Variants in MRPL35 observed in about 807,000 individuals in gnomAD.
The protein encoded by MRPL35 is large ribosomal subunit protein bL35m.
A neutral mutation model predicts 21.6 loss-of-function variants in MRPL35; 18 were observed. The observed-to-expected ratio is 0.83, with a 90% CI of 0.58 to 1.24. The LOEUF (loss-of-function observed/expected upper bound fraction) is 1.24, where lower values mean the gene tolerates loss of function less well. Among genes scored for constraint, MRPL35 ranks in the 50% most tolerant of loss-of-function variants. The pLI is 0.00. For synonymous variants in MRPL35, 87 were observed against 86.9 expected (o/e 1.00, Z -0.01); for missense variants, 223 against 223.2 (o/e 1.00, Z 0.01).
chr2:86,211,174 C>T lies in MRPL35; in HGVS notation c.*506C>T. 2 of 983,912 alleles carry T rather than the reference C, an allele frequency of 2.0e-6. No individual in the cohort carries two copies. The highest frequency in any genetic ancestry group is 2.4e-6 in the Non-Finnish European group (2 of 828,490). The allele number at this position is 983,912 out of a possible 1,614,324, so 60.9% of individuals were successfully genotyped here. A position where few individuals can be genotyped will look rare whatever the true frequency, so the allele number is the denominator to read the frequency against. On this transcript the variant is annotated 3_prime_UTR_variant, in exon 4 of 4. Transcript: ENST00000337109. ...CATGCATGTGACTTGCTTCTTTTTGCATTGTTAACTCCATTCTCTCTATTC... is the reference window on the plus strand; with the variant it reads ...CATGCATGTGACTTGCTTCTTTTTGTATTGTTAACTCCATTCTCTCTATTC...
chr2:86,206,465 T>TG (rs1673794763), intron 2 of MRPL35, among the ~76,000 whole-genome samples, 170 bp downstream of exon 2: 2 of 152,198 alleles, frequency 1.3e-5, no homozygotes, highest in Admixed American at 1.3e-4. Context: ...CCTAAGTAGC[T>TG]GGAAAGTTCT....
At chr2:86,205,964 G>T (rs968921565) in intron 1 of MRPL35, 142 bp from the exon 2 acceptor site, 14 of 736,016 alleles carry the variant, frequency 1.9e-5, no homozygotes, top group African/African-American at 1.6e-4. Context: ...CCTTAGTAAG[G>T]TGGTAAAAGC....
chr2:86,209,125 A>G (rs1056814155), intron 3 of MRPL35, among the ~76,000 whole-genome samples: 2 of 152,246 alleles, frequency 1.3e-5, no homozygotes, highest in Non-Finnish European at 2.9e-5. Flanking sequence ...AAATTATTAC[A>G]CAAATGTGGA....
rs1260332664 is a variant in MRPL35 at position 86,210,518 on chromosome 2, A to G, written c.417A>G (p.Ala139=). The part of the protein sequence containing the change: ...YKKKLWKKTP[A]RKKRLREFVF... ...AAAAATTATGGAAAAAGACACCTGC[A>G]AGGAAGAAGCGATTGAGGGAATTTG... The change falls in exon 4 of 4, where the codon GCA becomes GCG. Residue 139 remains alanine, a synonymous_variant. Transcript: ENST00000337109. 16 of 1,611,320 alleles carry G rather than the reference A, an allele frequency of 9.9e-6. No homozygotes were observed. The highest frequency in any genetic ancestry group is 1.3e-5 in the African/African-American group (1 of 74,668).
intron 1 of MRPL35, among the ~76,000 whole-genome samples, chr2:86,204,803 A>G (rs1055957614): frequency 6.6e-6 from 1 of 152,210 alleles, no homozygotes; most frequent in Non-Finnish European, 1.5e-5. Flanking sequence ...TGACCCTGGA[A>G]CAATACAGCA....
chr2:86,205,989 T>C, intron 1 of MRPL35, 117 bp from the exon 2 acceptor site: 1 of 877,500 alleles, frequency 1.1e-6, no homozygotes, highest in South Asian at 1.8e-5. Flanking sequence ...CAGATGAGTC[T>C]GATGCTCAGG....
chr2:86,208,947 T>G (rs889100304), intron 3 of MRPL35, among the ~76,000 whole-genome samples: 1 of 152,234 alleles, frequency 6.6e-6, no homozygotes, highest in Admixed American at 6.5e-5. Context: ...GTTCATTCCC[T>G]CCTTCCATTT....
intron 1 of MRPL35, among the ~76,000 whole-genome samples, chr2:86,202,803 T>C (rs1419784778): frequency 1.3e-5 from 2 of 152,122 alleles, no homozygotes; most frequent in Admixed American, 1.3e-4. Flanking sequence ...GCAGTTCTCC[T>C]ACCTCAGCCT....
intron 2 of MRPL35, 45 bp from the exon 3 acceptor site, chr2:86,207,138 T>C: frequency 6.6e-7 from 1 of 1,522,650 alleles, no homozygotes; most frequent in Non-Finnish European, 8.8e-7. Context: ...TTTAATCCTT[T>C]AATCAGTCTG....
In MRPL35 at chr2:86,212,579, A is replaced by G; in HGVS notation, c.*1911A>G. The G allele has an allele frequency of 6.7e-7, 1 of 1,499,712 alleles. No homozygotes were observed. The allele number at this position is 1,499,712 out of a possible 1,614,324, so 92.9% of individuals were successfully genotyped here. On this transcript the variant is annotated 3_prime_UTR_variant, in exon 4 of 4. Transcript: ENST00000337109. ...ACAGCCTCCATGATGTCTTTATTGC[A>G]AATATGGATGACAAGGGTCTCTGTT...
Position 86,212,157 on chromosome 2 carries a change from T to C in MRPL35, c.*1489T>C. The C allele has an allele frequency of 2.4e-6, 3 of 1,273,364 alleles. No individual in the cohort carries two copies. The highest frequency in any genetic ancestry group is 2.0e-6 in the Non-Finnish European group (2 of 1,008,372). 78.9% of individuals were successfully genotyped at this position (1,273,364 alleles called of 1,614,324 possible). On this transcript the variant is annotated 3_prime_UTR_variant, in exon 4 of 4. Transcript: ENST00000337109. ...AATGTGGTAGTTGGTAATAATAAGA[T>C]GAAATTCCTCTGTTGTTAGTAAAAT...
Position 86,210,673 on chromosome 2 carries a change from G to A in MRPL35, c.*5G>A. 1 of 1,596,634 alleles carries A rather than the reference G, an allele frequency of 6.3e-7. No individual in the cohort carries two copies. Among genetic ancestry groups the A allele is most frequent in the Non-Finnish European group, 8.5e-7 (1 of 1,171,974 alleles). On this transcript the variant is annotated 3_prime_UTR_variant, in exon 4 of 4. Coordinates refer to ENST00000337109, the MANE Select transcript of MRPL35 (RefSeq NM_016622.4). ...CGAACAAACCTGAAAGTATAGATCA[G>A]AAGTTTCACTTGTTTCTCAGTTATT...
At chr2:86,203,365 G>A (rs1673728711) in intron 1 of MRPL35, among the ~76,000 whole-genome samples, 1 of 152,062 alleles carries the variant, frequency 6.6e-6, no homozygotes, top group Non-Finnish European at 1.5e-5. Context: ...GATTACAGGC[G>A]TGAGCCACCG....
At chr2:86,200,391 A>C (rs553034175) in intron 1 of MRPL35, among the ~76,000 whole-genome samples, 3 of 152,344 alleles carry the variant, frequency 2.0e-5, no homozygotes, top group African/African-American at 4.8e-5. Flanking sequence ...TTTAACACTC[A>C]GGTCAAAACA....
intron 1 of MRPL35, among the ~76,000 whole-genome samples, chr2:86,205,610 C>A (rs1434752847): frequency 1.3e-5 from 2 of 152,220 alleles, no homozygotes; most frequent in African/African-American, 4.8e-5. Context: ...TTCGTCCTAC[C>A]TGAAATGTGC....
chr2:86,212,423 G>C lies in MRPL35; in HGVS notation c.*1755G>C, dbSNP rs781421643. The C allele has an allele frequency of 6.2e-7, 1 of 1,613,918 alleles. No homozygotes were observed. The highest frequency in any genetic ancestry group is 1.7e-5 in the Admixed American group (1 of 59,972). On this transcript the variant is annotated 3_prime_UTR_variant, in exon 4 of 4. Transcript: ENST00000337109. ...TGGATTTTCATTTCTTCGCACTTCT[G>C]AGACGGCAAAGCCAACCACTTAGAA...
At chr2:86,210,303 C>T (rs1673875665) in intron 3 of MRPL35, among the ~76,000 whole-genome samples, 177 bp from the exon 4 acceptor site, 1 of 148,426 alleles carries the variant, frequency 6.7e-6, no homozygotes, top group South Asian at 2.2e-4. Flanking sequence ...TCTCCATCCC[C>T]CTCCCCGCCA....
intron 1 of MRPL35, among the ~76,000 whole-genome samples, chr2:86,202,930 T>A (rs1673717801): frequency 6.6e-6 from 1 of 151,844 alleles, no homozygotes; most frequent in African/African-American, 2.4e-5. Flanking sequence ...CCTCAGGTGA[T>A]CCGCCGGGGC....
At chr2:86,202,935 C>T (rs1031026065) in intron 1 of MRPL35, among the ~76,000 whole-genome samples, 7 of 151,858 alleles carry the variant, frequency 4.6e-5, no homozygotes, top group African/African-American at 1.7e-4. Context: ...GGTGATCCGC[C>T]GGGGCCTCCC....
Sources: gnomAD v4.1 joint callset for allele counts (sites outside exome capture counted in the v4.1 genomes callset) on GRCh38, gnomAD v4.1.1 for gene constraint, MANE v1.5 for transcripts, NCBI Gene and HGNC (gene_info 2026-07-23, HGNC 2026-07-21) for gene names.